Variants in NPHP1 observed in about 807,000 individuals in gnomAD.
The protein encoded by NPHP1 is nephrocystin-1.
Under a neutral mutation model 90.4 loss-of-function variants are expected in NPHP1, and 70 were observed. The observed-to-expected ratio is 0.77, with a 90% CI of 0.64 to 0.95. The LOEUF (loss-of-function observed/expected upper bound fraction) is 0.95. NPHP1 is among the 40% of genes least tolerant of loss of function. The pLI, the probability that NPHP1 is intolerant of heterozygous loss-of-function variation, is 0.00. For missense variants in NPHP1, 764 were observed against 795.9 expected, an observed-to-expected ratio of 0.96 and a Z score of 0.48; for synonymous variants, 256 against 271.7, an observed-to-expected ratio of 0.94 and a Z score of 0.57.
At chr2:110,157,048 T>G (rs930597709) in intron 11 of NPHP1, among the ~76,000 whole-genome samples, 3 of 152,148 alleles carry the variant, frequency 2.0e-5, no homozygotes, top group Non-Finnish European at 4.4e-5. Flanking sequence ...GTGCGGGGAT[T>G]ACAGGCGTGA....
chr2:110,153,818 C>A (rs1036743075), intron 11 of NPHP1, among the ~76,000 whole-genome samples: 1 of 152,044 alleles, frequency 6.6e-6, no homozygotes, highest in Non-Finnish European at 1.5e-5. Context: ...CCCATCTCTA[C>A]TAAAAATACA....
At chr2:110,164,281 C>T in intron 8 of NPHP1, 1 of 529,202 alleles carries the variant, frequency 1.9e-6, no homozygotes, top group Non-Finnish European at 3.4e-6. Context: ...AAGTGATCCT[C>T]CTGCTTCAGC....
At chr2:110,145,521 C>A (rs1329057827) in intron 14 of NPHP1, among the ~76,000 whole-genome samples, 1 of 152,056 alleles carries the variant, frequency 6.6e-6, no homozygotes, top group Non-Finnish European at 1.5e-5. Context: ...AACTCCCAGG[C>A]TCAGGTGATC....
intron 2 of NPHP1, among the ~76,000 whole-genome samples, chr2:110,186,569 G>C (rs573311450): frequency 6.6e-6 from 1 of 152,080 alleles, no homozygotes; most frequent in Non-Finnish European, 1.5e-5. Flanking sequence ...TGTCTTCACC[G>C]GCACCCTCAC....
At chr2:110,164,167 G>C in intron 8 of NPHP1, 1 of 311,040 alleles carries the variant, frequency 3.2e-6, no homozygotes, top group Non-Finnish European at 6.1e-6. Flanking sequence ...CTCCCGAGTA[G>C]CTGGGACTAC....
At chr2:110,193,125 C>T (rs1345341511) in intron 2 of NPHP1, among the ~76,000 whole-genome samples, 3 of 152,258 alleles carry the variant, frequency 2.0e-5, no homozygotes, top group Non-Finnish European at 2.9e-5. Context: ...CAGCTAACAT[C>T]ATAATGACAG....
At chr2:110,204,103 A>C (rs1685753225) in intron 1 of NPHP1, among the ~76,000 whole-genome samples, 1 of 152,144 alleles carries the variant, frequency 6.6e-6, no homozygotes, top group Non-Finnish European at 1.5e-5. Flanking sequence ...CCTACTTTCT[A>C]ATTATTACAC....
chr2:110,170,038 A>G (rs1321014502), intron 4 of NPHP1, 40 bp from the exon 5 acceptor site: 1 of 1,611,320 alleles, frequency 6.2e-7, no homozygotes, highest in Admixed American at 1.7e-5. Flanking sequence ...TTGAAATAAT[A>G]TACAAGAACA....
intron 1 of NPHP1, among the ~76,000 whole-genome samples, chr2:110,204,194 T>C (rs1685761655): frequency 6.6e-6 from 1 of 152,200 alleles, no homozygotes; most frequent in African/African-American, 2.4e-5. Context: ...TTTCCTGAAA[T>C]GCTGTACAAG....
At chr2:110,178,832 A>C (rs1177758017) in intron 3 of NPHP1, 7 of 284,360 alleles carry the variant, frequency 2.5e-5, no homozygotes, top group Admixed American at 4.9e-5. Flanking sequence ...TTCTGACAGA[A>C]GATCGGCTTT....
At chr2:110,159,467 G>C (rs949595067) in intron 11 of NPHP1, among the ~76,000 whole-genome samples, 2 of 151,832 alleles carry the variant, frequency 1.3e-5, no homozygotes, top group African/African-American at 4.8e-5. Context: ...TTTACCAGAG[G>C]TTATTCACAT....
chr2:110,148,157 T>G (rs1187037006), intron 12 of NPHP1, 131 bp from the exon 13 acceptor site: 7 of 718,320 alleles, frequency 9.7e-6, no homozygotes, highest in East Asian at 8.1e-5. Context: ...TGAGGCCTGG[T>G]GGGAGGTGTT....
intron 4 of NPHP1, 24 bp from the exon 5 acceptor site, chr2:110,170,022 G>T: frequency 6.2e-7 from 1 of 1,612,422 alleles, no homozygotes; most frequent in South Asian, 1.1e-5. Flanking sequence ...TTCTGAGTAG[G>T]ACTACTTGAA....
At chr2:110,159,931 T>A (rs1283629957) in intron 11 of NPHP1, among the ~76,000 whole-genome samples, 196 bp downstream of exon 11, 1 of 152,090 alleles carries the variant, frequency 6.6e-6, no homozygotes, top group Non-Finnish European at 1.5e-5. Flanking sequence ...ATTAAAACTA[T>A]AAATTTCCAT....
At chr2:110,160,020 TA>T in intron 11 of NPHP1, 106 bp downstream of exon 11, 1 of 1,259,916 alleles carries the variant, frequency 7.9e-7, no homozygotes, top group Non-Finnish European at 1.2e-6. Context: ...TGGTACTAGG[TA>T]AAAAATACTC....
At chr2:110,165,230 C>A (rs1289370911) in intron 6 of NPHP1, 75 bp from the exon 7 acceptor site, 23 of 1,093,970 alleles carry the variant, frequency 2.1e-5, no homozygotes, top group Non-Finnish European at 2.8e-5. Flanking sequence ...AGTACTGCCA[C>A]CTAACCCTCC....
In NPHP1 at chr2:110,200,254, C is replaced by CA. The variant is rs532449136; in HGVS notation, c.143+1166dup. ...TGGGCGACAGAGAGAGACTCTATCT[C>CA]AAAAAAAATAAAACATAACAATTAT... On this transcript the variant is annotated intron_variant, in intron 2 of 19. Transcript: ENST00000445609. Among the ~76,000 whole-genome samples the CA allele has an allele frequency of 5.3e-4, 77 of 145,794 alleles. 1 individual carries two copies. The highest frequency in any genetic ancestry group is 1.6e-3 in the African/African-American group (61 of 39,166).
At chr2:110,188,978 A>C (rs549618630) in intron 2 of NPHP1, among the ~76,000 whole-genome samples, 1 of 152,156 alleles carries the variant, frequency 6.6e-6, no homozygotes, top group Non-Finnish European at 1.5e-5. Flanking sequence ...CCTTCCATAC[A>C]CCATATACAA....
Position 110,138,682 on chromosome 2 carries a change from GCCCTTTGGT to G in NPHP1, c.1529+4851_1529+4859del, listed in dbSNP as rs1394722158. On this transcript the variant is annotated intron_variant, in intron 16 of 19. Transcript: ENST00000445609. ...AGCATGAACAACATGCTCATGTTCT[GCCCTTTGGT>G]CCACGGTCCCATTGCACAGTGTTTC... Among the ~76,000 whole-genome samples, 88 of 152,168 alleles carry G rather than the reference GCCCTTTGGT, an allele frequency of 5.8e-4. 2 individuals carry two copies. The South Asian group carries it at 0.018, about 31-fold the overall frequency.
Sources: allele counts gnomAD v4.1 joint callset (sites outside exome capture counted in the v4.1 genomes callset), GRCh38; gene constraint gnomAD v4.1.1; transcripts MANE v1.5; gene names NCBI Gene and HGNC (gene_info 2026-07-23, HGNC 2026-07-21).